Variants in INPP5A observed in about 807,000 individuals in gnomAD.
INPP5A encodes the protein inositol polyphosphate-5-phosphatase A.
INPP5A carries 14 observed loss-of-function variants against 65.2 expected under a neutral mutation model. That is an observed-to-expected ratio of 0.21 (90% CI 0.14 to 0.34). INPP5A has a LOEUF of 0.34. Among genes scored for constraint, INPP5A ranks in the 10% least tolerant of loss-of-function variants. INPP5A has a pLI of 1.00. For missense variants in INPP5A, 431 were observed against 545.6 expected, an observed-to-expected ratio of 0.79 and a Z score of 2.09; for synonymous variants, 207 against 208.3, an observed-to-expected ratio of 0.99 and a Z score of 0.05.
chr10:132,746,868 A>C (rs947421344), intron 9 of INPP5A, among the ~76,000 whole-genome samples: 4 of 152,204 alleles, frequency 2.6e-5, no homozygotes, highest in African/African-American at 9.7e-5. Context: ...ACTTTGCTGG[A>C]TTGAAAGGCA....
intron 4 of INPP5A, among the ~76,000 whole-genome samples, chr10:132,669,760 G>A (rs922568550): frequency 1.3e-5 from 2 of 152,140 alleles, no homozygotes; most frequent in Non-Finnish European, 2.9e-5. Context: ...TGAGATGTGG[G>A]TAGATGCCAT....
intron 11 of INPP5A, among the ~76,000 whole-genome samples, chr10:132,755,640 G>A (rs535398182): frequency 3.9e-5 from 6 of 152,020 alleles, no homozygotes; most frequent in South Asian, 4.2e-4. Context: ...GTGAGCAGGC[G>A]TGTGCATGCA....
intron 2 of INPP5A, among the ~76,000 whole-genome samples, chr10:132,628,008 T>C (rs528557198): frequency 6.6e-6 from 1 of 152,256 alleles, no homozygotes; most frequent in African/African-American, 2.4e-5. Context: ...CAGGAGGGTG[T>C]TTACAGCACA....
At chr10:132,631,925 A>G (rs2072280252) in intron 2 of INPP5A, among the ~76,000 whole-genome samples, 1 of 152,158 alleles carries the variant, frequency 6.6e-6, no homozygotes, top group Admixed American at 6.5e-5. Flanking sequence ...GAAAATGCAC[A>G]GCTTTGGGCC....
chr10:132,680,059 G>T (rs760969977), intron 4 of INPP5A, among the ~76,000 whole-genome samples: 86 of 152,218 alleles, frequency 5.6e-4, no homozygotes, highest in Admixed American at 9.8e-4. Context: ...TTTCTCAGAC[G>T]CAGCACCAAA....
At position 132,698,223 on chromosome 10, in the gene INPP5A, T is replaced by G. The variant is rs1462530666; in HGVS notation, c.474+304T>G. 1.3e-5 allele frequency among the ~76,000 whole-genome samples: 2 copies of G among 152,184 alleles called. No individual in the cohort carries two copies. The highest frequency in any genetic ancestry group is 3.8e-4 in the East Asian group (2 of 5,200). ...TCATTCAGCTCCCTTGGCGTGCACC[T>G]GGGGTCTCCCGCACGCCCAGCTGGG... On this transcript the variant is annotated intron_variant, in intron 6 of 15. Coordinates refer to ENST00000368594, the MANE Select transcript of INPP5A (RefSeq NM_005539.5). This position sits in a 1 kb window ranked among gnomAD's most constrained non-coding sequence, Gnocchi z 5.5.
chr10:132,624,612 C>T (rs886316168), intron 2 of INPP5A, among the ~76,000 whole-genome samples: 4 of 152,236 alleles, frequency 2.6e-5, no homozygotes, highest in African/African-American at 7.2e-5. Flanking sequence ...TCCTCCCATT[C>T]CCACCTGTTT....
At chr10:132,630,360 C>T (rs530371750) in intron 2 of INPP5A, among the ~76,000 whole-genome samples, 3 of 151,282 alleles carry the variant, frequency 2.0e-5, no homozygotes, top group Non-Finnish European at 4.4e-5. Flanking sequence ...GAGGGAAAGA[C>T]GTCCTTGAGG....
At chr10:132,652,938 C>T (rs1256543991) in intron 4 of INPP5A, among the ~76,000 whole-genome samples, 22 of 152,166 alleles carry the variant, frequency 1.4e-4, no homozygotes, top group Admixed American at 1.1e-3. Flanking sequence ...TGGGTGGAGA[C>T]GGGAGGCTCT....
At chr10:132,689,410 C>T (rs928398527) in intron 4 of INPP5A, among the ~76,000 whole-genome samples, 1 of 152,222 alleles carries the variant, frequency 6.6e-6, no homozygotes, top group Non-Finnish European at 1.5e-5. Context: ...ACCTGCTACC[C>T]CCACAGGGCA....
At chr10:132,684,210 G>A (rs545403126) in intron 4 of INPP5A, among the ~76,000 whole-genome samples, 2 of 152,184 alleles carry the variant, frequency 1.3e-5, no homozygotes, top group South Asian at 4.2e-4. Flanking sequence ...TCTATCATAG[G>A]AATATTTCAA....
intron 1 of INPP5A, among the ~76,000 whole-genome samples, chr10:132,596,975 G>GCA: frequency 1.4e-5 from 2 of 140,280 alleles, no homozygotes; most frequent in Admixed American, 6.9e-5. Flanking sequence ...GTGTGTGCAT[G>GCA]CGTGTGTGCA....
intron 1 of INPP5A, among the ~76,000 whole-genome samples, chr10:132,566,502 T>C (rs190195701): frequency 3.9e-5 from 6 of 152,330 alleles, no homozygotes; most frequent in African/African-American, 1.4e-4. Flanking sequence ...CAATAGCAAA[T>C]AAACTCGATC....
At chr10:132,724,392 G>A (rs1331330984) in intron 8 of INPP5A, among the ~76,000 whole-genome samples, 2 of 152,236 alleles carry the variant, frequency 1.3e-5, no homozygotes, top group Admixed American at 6.5e-5. Flanking sequence ...TAAAGATGAA[G>A]GTGGGGGCTC....
At chr10:132,728,454 C>T (rs1397825510) in intron 9 of INPP5A, among the ~76,000 whole-genome samples, 1 of 152,238 alleles carries the variant, frequency 6.6e-6, no homozygotes. Context: ...GGGAGCAAGG[C>T]CTGGGGGCCA....
intron 2 of INPP5A, among the ~76,000 whole-genome samples, chr10:132,638,165 C>A (rs1331829885): frequency 6.6e-6 from 1 of 152,202 alleles, no homozygotes; most frequent in Non-Finnish European, 1.5e-5. Context: ...TGACTCAGGG[C>A]TGCTACTTCT....
chr10:132,570,703 A>G (rs1038595871), intron 1 of INPP5A, among the ~76,000 whole-genome samples: 2 of 152,206 alleles, frequency 1.3e-5, no homozygotes, highest in Non-Finnish European at 2.9e-5. Context: ...TGCACCAACA[A>G]TAAAACCAAG....
chr10:132,776,559 GA>G (rs1416941113), intron 12 of INPP5A, among the ~76,000 whole-genome samples: 11 of 152,216 alleles, frequency 7.2e-5, no homozygotes, highest in African/African-American at 1.2e-4. Context: ...GGAATTAACT[GA>G]AAAAACTCTT....
chr10:132,597,043 A>C (rs749219273), intron 1 of INPP5A, among the ~76,000 whole-genome samples: 4 of 147,362 alleles, frequency 2.7e-5, no homozygotes, highest in Non-Finnish European at 6.0e-5. Context: ...ATGTGTATGC[A>C]TGCATGTGTG....
Sources: gnomAD v4.1 joint callset for allele counts (sites outside exome capture counted in the v4.1 genomes callset) on GRCh38, gnomAD v4.1.1 for gene constraint, Gnocchi (gnomAD v3.1) non-coding constraint, MANE v1.5 for transcripts, NCBI Gene and HGNC (gene_info 2026-07-23, HGNC 2026-07-21) for gene names.